Variants in VAPB observed in about 807,000 individuals in gnomAD.
VAPB encodes the protein VAMP associated protein B and C, also known as vesicle-associated membrane protein-associated protein B/C.
A neutral mutation model predicts 25.6 loss-of-function variants in VAPB; 7 were observed. That is an observed-to-expected ratio of 0.27 (90% CI 0.16 to 0.51). The LOEUF is 0.51. Ranked by LOEUF, VAPB falls within the 20% of genes least tolerant of loss-of-function variation. The pLI is 0.97. For missense variants in VAPB, 266 were observed against 301.3 expected (o/e 0.88, Z 0.87); for synonymous variants, 112 against 109.2 (o/e 1.03, Z -0.16).
At chr20:58,406,703 TC>T (rs1988237500) in intron 1 of VAPB, among the ~76,000 whole-genome samples, 2 of 152,228 alleles carry the variant, frequency 1.3e-5, no homozygotes, top group South Asian at 4.1e-4. Flanking sequence ...AAGTTTTACT[TC>T]TGTTGTTAAT....
At chr20:58,410,593 T>C (rs1485076334) in intron 1 of VAPB, among the ~76,000 whole-genome samples, 1 of 151,932 alleles carries the variant, frequency 6.6e-6, no homozygotes, top group Non-Finnish European at 1.5e-5. Flanking sequence ...ATTTTTGTAG[T>C]TTTATTAGAG....
intron 1 of VAPB, among the ~76,000 whole-genome samples, chr20:58,407,241 A>G (rs11906180): frequency 0.34 from 52,027 of 152,064 alleles, 9,202 homozygotes; most frequent in African/African-American, 0.35. Context: ...TTTGAAGTTC[A>G]TACAGAAGCT....
rs1341290854 is a variant in VAPB, at chr20:58,448,453, T to G, written c.*4218T>G. The G allele has an allele frequency of 2.2e-6, 1 of 454,140 alleles. No homozygotes were observed. The highest frequency in any genetic ancestry group is 2.0e-5 in the African/African-American group (1 of 50,138). The allele number at this position is 454,140 out of a possible 1,614,324, so 28.1% of individuals were successfully genotyped here. A position where few individuals can be genotyped will look rare whatever the true frequency, so the allele number is the denominator to read the frequency against. On this transcript the variant is annotated 3_prime_UTR_variant, in exon 6 of 6. Coordinates refer to ENST00000475243, the MANE Select transcript of VAPB (RefSeq NM_004738.5). ...TTCCAATACATTCGCTCATTGAACT[T>G]AATCCTTGCAACTGTGACTGGGGGG...
At chr20:58,412,438 G>A (rs1005330319) in intron 1 of VAPB, among the ~76,000 whole-genome samples, 10 of 151,990 alleles carry the variant, frequency 6.6e-5, no homozygotes, top group African/African-American at 1.9e-4. Context: ...AAATTAGCCA[G>A]GTGTGGCATA....
intron 2 of VAPB, among the ~76,000 whole-genome samples, chr20:58,424,203 C>T (rs558507266): frequency 6.6e-6 from 1 of 152,270 alleles, no homozygotes; most frequent in Admixed American, 6.5e-5. Flanking sequence ...TCCTTGCATA[C>T]TTACACACTT....
At chr20:58,395,237 C>T (rs1192977389) in intron 1 of VAPB, among the ~76,000 whole-genome samples, 2 of 151,458 alleles carry the variant, frequency 1.3e-5, no homozygotes, top group Non-Finnish European at 1.5e-5. Context: ...CTGCAACCTC[C>T]GCCTCCTGGG....
At chr20:58,443,046 T>C (rs1989196864) in intron 5 of VAPB, among the ~76,000 whole-genome samples, 1 of 152,030 alleles carries the variant, frequency 6.6e-6, no homozygotes, top group South Asian at 2.1e-4. Context: ...AGCATGGAAA[T>C]GGCATCATAG....
intron 2 of VAPB, among the ~76,000 whole-genome samples, chr20:58,422,735 CT>C (rs536836047): frequency 2.0e-5 from 3 of 151,944 alleles, no homozygotes; most frequent in Non-Finnish European, 4.4e-5. Flanking sequence ...CTTATGCTTC[CT>C]GTAATATGAT....
At chr20:58,442,520 G>A (rs1419612479) in intron 5 of VAPB, among the ~76,000 whole-genome samples, 1 of 151,980 alleles carries the variant, frequency 6.6e-6, no homozygotes, top group Non-Finnish European at 1.5e-5. Context: ...TACGGGCCAT[G>A]CCCCATGAGC....
intron 2 of VAPB, among the ~76,000 whole-genome samples, chr20:58,430,288 G>A (rs1355052269): frequency 4.0e-5 from 6 of 148,784 alleles, no homozygotes; most frequent in Non-Finnish European, 5.9e-5. Context: ...CGCTCAGGCT[G>A]TAATGCAGTG....
rs1373249693 is a variant in VAPB at position 58,448,976 on chromosome 20, C to T, written c.*4741C>T. 2 of 454,138 alleles carry T rather than the reference C, an allele frequency of 4.4e-6. No individual in the cohort carries two copies. Among genetic ancestry groups the T allele is most frequent in the Admixed American group, 2.3e-5 (1 of 42,582 alleles). 28.1% of individuals were successfully genotyped at this position (454,138 alleles called of 1,614,324 possible). On this transcript the variant is annotated 3_prime_UTR_variant, in exon 6 of 6. Coordinates refer to ENST00000475243, the MANE Select transcript of VAPB (RefSeq NM_004738.5). The stretch of plus-strand genomic sequence containing the variant: ...GGGCAGTTGATTAAAATTGGTATTA[C>T]AGAAGGGCCCTGCTGAGGTTTGAAA...
intron 1 of VAPB, among the ~76,000 whole-genome samples, chr20:58,415,700 G>A (rs1988523348): frequency 1.3e-5 from 2 of 152,168 alleles, no homozygotes; most frequent in African/African-American, 4.8e-5. Flanking sequence ...AAATATGCAT[G>A]TTGGTATAGT....
chr20:58,444,423 AG>A lies in VAPB; in HGVS notation c.*189del. On this transcript the variant is annotated 3_prime_UTR_variant, in exon 6 of 6. Coordinates refer to ENST00000475243, the MANE Select transcript of VAPB (RefSeq NM_004738.5). ...CACAAATATAATGTAACGATCTTTT[AG>A]AAAGTTAAAAATGTATAGTAACTGA... is the stretch of plus-strand genomic sequence containing the variant. 1.3e-6 allele frequency: 1 copy of A among 779,832 alleles called. No homozygotes were observed. Among genetic ancestry groups the A allele is most frequent in the Non-Finnish European group, 2.2e-6 (1 of 464,060 alleles). The allele number at this position is 779,832 out of a possible 1,614,324, so 48.3% of individuals were successfully genotyped here.
At chr20:58,416,985 A>G (rs1446333127) in intron 1 of VAPB, among the ~76,000 whole-genome samples, 1 of 152,232 alleles carries the variant, frequency 6.6e-6, no homozygotes. Flanking sequence ...TTCAAAACAC[A>G]CATTTGAATG....
chr20:58,389,299 C>T lies in VAPB; in HGVS notation c.-161C>T, dbSNP rs1469497382. On this transcript the variant is annotated 5_prime_UTR_variant, in exon 1 of 6. Coordinates refer to ENST00000475243, the MANE Select transcript of VAPB (RefSeq NM_004738.5). ...CGCCCCTGCGCCTGCACCGCGTAGA[C>T]CGACCCCCCCCCAGCGCGCCCACCC... 2.8e-6 allele frequency: 2 copies of T among 702,260 alleles called. No homozygotes were observed. Among genetic ancestry groups the T allele is most frequent in the African/African-American group, 2.0e-5 (1 of 50,262 alleles). The allele number at this position is 702,260 out of a possible 1,614,324, so 43.5% of individuals were successfully genotyped here.
chr20:58,405,067 C>A (rs1256046043), intron 1 of VAPB, among the ~76,000 whole-genome samples: 10 of 151,984 alleles, frequency 6.6e-5, no homozygotes, highest in African/African-American at 1.4e-4. Flanking sequence ...GGGAAAAAAA[C>A]AACTAAAAAC....
In VAPB at chr20:58,448,952, G is replaced by C. The variant is rs1444582933; in HGVS notation, c.*4717G>C. 1 of 453,934 alleles carries C rather than the reference G, an allele frequency of 2.2e-6. No homozygotes were observed. Among genetic ancestry groups the C allele is most frequent in the African/African-American group, 2.0e-5 (1 of 49,962 alleles). 28.1% of individuals were successfully genotyped at this position (453,934 alleles called of 1,614,324 possible). On this transcript the variant is annotated 3_prime_UTR_variant, in exon 6 of 6. Coordinates refer to ENST00000475243, the MANE Select transcript of VAPB (RefSeq NM_004738.5). ...GACTTGTAAATTAAATGTGAATGAG[G>C]GCAGTTGATTAAAATTGGTATTACA...
Position 58,440,913 on chromosome 20 carries a change from G to A in VAPB, c.403G>A (p.Val135Ile), listed in dbSNP as rs1989144866. The change falls in exon 5 of 6, where the codon GTA becomes ATA. Residue 135 changes from valine (V) to isoleucine (I), a missense_variant. Val to Ile is a conservative substitution (Grantham distance 29, BLOSUM62 3). Transcript: ENST00000475243. The stretch of plus-strand genomic sequence containing the variant: ...TTCATTTGTTTTTGAACAGCATGAT[G>A]TAGAAATAAATAAAATTATATCCAC... ...LPAENDKPHD[V>I]EINKIISTTA... 1 of 1,613,316 alleles carries A rather than the reference G, an allele frequency of 6.2e-7. No individual in the cohort carries two copies. Among genetic ancestry groups the A allele is most frequent in the East Asian group, 2.2e-5 (1 of 44,844 alleles).
Position 58,389,625 on chromosome 20 carries a change from C to A in VAPB, c.58+108C>A, listed in dbSNP as rs552460268. 80 of 1,228,496 alleles carry A rather than the reference C, an allele frequency of 6.5e-5. No individual in the cohort carries two copies. The African/African-American group carries it at 1.1e-3, about 16-fold the overall frequency. 76.1% of individuals were successfully genotyped at this position (1,228,496 alleles called of 1,614,324 possible). On this transcript the variant is annotated intron_variant, in intron 1 of 5. Coordinates refer to ENST00000475243, the MANE Select transcript of VAPB (RefSeq NM_004738.5). The stretch of plus-strand genomic sequence containing the variant: ...TCGGCCCTCGTCCCCACCCCGACGG[C>A]GCTGTCGCGGGGGGCGGCGAGGCCG...
Sources: allele counts gnomAD v4.1 joint callset (sites outside exome capture counted in the v4.1 genomes callset), GRCh38; gene constraint gnomAD v4.1.1; transcripts MANE v1.5; gene names NCBI Gene and HGNC (gene_info 2026-07-23, HGNC 2026-07-21).